The following RYR3 variants were observed in gnomAD, a reference collection of about 807,000 sequenced individuals.
The protein encoded by RYR3 is brain ryanodine receptor-calcium release channel.
Under a neutral mutation model 584.3 loss-of-function variants are expected in RYR3, and 207 were observed. The ratio of observed to expected loss-of-function variants is 0.35; its 90% CI spans 0.32 to 0.40. RYR3 has a LOEUF of 0.40. RYR3 is among the 10% of genes least tolerant of loss of function. The pLI, the probability that RYR3 is intolerant of heterozygous loss-of-function variation, is 1.00. For synonymous variants in RYR3, 2,416 were observed against 2,248.5 expected (o/e 1.07, Z -2.11); for missense variants, 5,616 against 6,089.2 (o/e 0.92, Z 2.59).
chr15:33,670,445 G>A lies in RYR3; in HGVS notation c.5749G>A (p.Glu1917Lys). ...CGVPLEEEEE[E>K]EEDTSWTGKL... is the part of the protein sequence containing the mutation. Reference sequence around the variant, plus strand: ...GGTTCCTTTGGAAGAAGAGGAAGAGGAGGAGGAGGACACCTCCTGGACAGG... The same window carrying A: ...GGTTCCTTTGGAAGAAGAGGAAGAGAAGGAGGAGGACACCTCCTGGACAGG... Residue 1917 changes from glutamate to lysine, a missense_variant, in exon 38 of 104, where the codon GAG (glutamate) becomes AAG (lysine). Glu to Lys is a moderately conservative substitution (Grantham distance 56, BLOSUM62 1). This residue lies in a region of RYR3 where 1,280 missense variants were observed against 1,426.2 expected (regional missense o/e 0.90). Coordinates refer to ENST00000634891, the MANE Select transcript of RYR3 (RefSeq NM_001036.6). The A allele has an allele frequency of 1.9e-6, 3 of 1,613,802 alleles. No individual in the cohort carries two copies. Among genetic ancestry groups the A allele is most frequent in the Non-Finnish European group, 2.5e-6 (3 of 1,179,808 alleles).
At chr15:33,725,991 A>AC (rs1567034134) in intron 45 of RYR3, among the ~76,000 whole-genome samples, 2 of 139,256 alleles carry the variant, frequency 1.4e-5, no homozygotes, top group African/African-American at 2.7e-5. Context: ...AAAAAAAAAA[A>AC]AAAAAACAGA....
At chr15:33,661,393 A>G (rs7176438) in intron 34 of RYR3, among the ~76,000 whole-genome samples, 15,482 of 152,246 alleles carry the variant, frequency 0.1, 859 homozygotes, top group African/African-American at 0.15. Flanking sequence ...TTGTGAAAAC[A>G]AAACAAGTAT....
rs181405749 is a variant in RYR3, at chr15:33,687,661, T to G, written c.5861-8557T>G. ...AGGCATCACACTACTGATTTCAAAC[T>G]ATACTACAAGGCTGCAGTAACCAAA... is the stretch of plus-strand genomic sequence containing the variant. On this transcript the variant is annotated intron_variant, in intron 38 of 103. Coordinates refer to ENST00000634891, the MANE Select transcript of RYR3 (RefSeq NM_001036.6). Among the ~76,000 whole-genome samples the G allele has an allele frequency of 3.7e-4, 57 of 152,322 alleles. No individual in the cohort carries two copies. In the East Asian group the frequency reaches 8.9e-3, roughly 24 times the overall value.
intron 62 of RYR3, among the ~76,000 whole-genome samples, chr15:33,770,108 G>C (rs2073444662): frequency 7.1e-6 from 1 of 139,900 alleles, no homozygotes; most frequent in East Asian, 2.2e-4. Flanking sequence ...ATAATGTAGA[G>C]AGACCTCATC....
intron 1 of RYR3, among the ~76,000 whole-genome samples, chr15:33,408,618 G>T (rs988313034): frequency 6.6e-6 from 1 of 152,102 alleles, no homozygotes; most frequent in Non-Finnish European, 1.5e-5. Flanking sequence ...TCTCACTAAT[G>T]GTGTATAAGC....
At chr15:33,415,041 G>T (rs1407844166) in intron 1 of RYR3, among the ~76,000 whole-genome samples, 1 of 152,220 alleles carries the variant, frequency 6.6e-6, no homozygotes, top group Non-Finnish European at 1.5e-5. Context: ...CTGGCCATAT[G>T]TGGCTGTTGA....
intron 44 of RYR3, among the ~76,000 whole-genome samples, chr15:33,723,216 A>G (rs1188747588): frequency 2.6e-5 from 4 of 152,236 alleles, no homozygotes; most frequent in African/African-American, 9.6e-5. Context: ...CTCCTTGTCT[A>G]ACTTCAGCAT....
At chr15:33,742,344 A>G (rs369786059) in intron 51 of RYR3, 22 bp from the exon 52 acceptor site, 19 of 1,549,460 alleles carry the variant, frequency 1.2e-5, no homozygotes, top group Non-Finnish European at 1.7e-5. Flanking sequence ...GGAGGTTGTA[A>G]TTTTTTTTCC....
At chr15:33,559,695 C>T (rs1430488976) in intron 10 of RYR3, among the ~76,000 whole-genome samples, 1 of 152,158 alleles carries the variant, frequency 6.6e-6, no homozygotes, top group East Asian at 1.9e-4. Context: ...GGAGGTCTGG[C>T]TGTGAATTGA....
At chr15:33,523,787 C>G (rs1250137670) in intron 3 of RYR3, among the ~76,000 whole-genome samples, 1 of 152,096 alleles carries the variant, frequency 6.6e-6, no homozygotes, top group Non-Finnish European at 1.5e-5. Context: ...CCAACTGCAA[C>G]GAATCCCTGC....
intron 19 of RYR3, among the ~76,000 whole-genome samples, chr15:33,615,031 C>T (rs796699843): frequency 1.1e-4 from 17 of 152,230 alleles, no homozygotes; most frequent in African/African-American, 3.4e-4. Context: ...ATTTTAACCA[C>T]GTTATTCATT....
At chr15:33,790,834 G>T (rs1235254259) in intron 67 of RYR3, among the ~76,000 whole-genome samples, 1 of 152,074 alleles carries the variant, frequency 6.6e-6, no homozygotes, top group Non-Finnish European at 1.5e-5. Flanking sequence ...AGACTGAGAG[G>T]GAGAAACCAA....
At chr15:33,608,099 C>G (rs902300747) in intron 18 of RYR3, among the ~76,000 whole-genome samples, 1 of 152,216 alleles carries the variant, frequency 6.6e-6, no homozygotes, top group Non-Finnish European at 1.5e-5. Context: ...TTAGTTACTT[C>G]ATTAAAGTGA....
intron 2 of RYR3, among the ~76,000 whole-genome samples, chr15:33,478,644 T>G (rs905356754): frequency 6.6e-6 from 1 of 152,200 alleles, no homozygotes; most frequent in Admixed American, 6.5e-5. Flanking sequence ...CAAATTCTCA[T>G]GCAAAAGGAG....
chr15:33,675,843 C>A (rs770301437), intron 38 of RYR3, among the ~76,000 whole-genome samples: 2 of 152,072 alleles, frequency 1.3e-5, no homozygotes, highest in Non-Finnish European at 2.9e-5. Context: ...AATGATTTAG[C>A]CCTTACCAGC....
At position 33,863,409 on chromosome 15, in the gene RYR3, G is replaced by A. The variant is rs200664393; in HGVS notation, c.14466-729G>A. On this transcript the variant is annotated intron_variant, in intron 102 of 103. Transcript: ENST00000634891. ...CCACCATGACAGAACTCAAGATCTG[G>A]GGCTTAGACTCTCCACCCTCAGAAG... Among the ~76,000 whole-genome samples, 6 of 152,170 alleles carry A rather than the reference G, an allele frequency of 3.9e-5. No homozygotes were observed. In the East Asian group the frequency reaches 1.2e-3, roughly 29 times the overall value.
At position 33,448,260 on chromosome 15, in the gene RYR3, T is replaced by C. The variant is rs186310724; in HGVS notation, c.52-25159T>C. Among the ~76,000 whole-genome samples, 535 of 152,200 alleles carry C rather than the reference T, an allele frequency of 3.5e-3. 9 individuals are homozygous for C. The highest frequency in any genetic ancestry group is 0.03 in the Admixed American group (456 of 15,298). On this transcript the variant is annotated intron_variant, in intron 1 of 103. Transcript: ENST00000634891. ...CTGGCCTCGAGAATATGGAGACAGT[T>C]TGTGTTTCATGACTGCTTTTTGCTC...
rs1428482845 is a variant in RYR3 at position 33,807,541 on chromosome 15, G to A, written c.10012-14G>A. On this transcript the variant is annotated splice_polypyrimidine_tract_variant and intron_variant, in intron 69 of 103. Coordinates refer to ENST00000634891, the MANE Select transcript of RYR3 (RefSeq NM_001036.6). ...CTCTTCTCCTTGTTTCTTTTCTTTT[G>A]TCTTTCCACACAGGCCATGCAAGTA... 7 of 1,551,682 alleles carry A rather than the reference G, an allele frequency of 4.5e-6. No individual in the cohort carries two copies. Among genetic ancestry groups the A allele is most frequent in the East Asian group, 2.4e-5 (1 of 40,966 alleles).
At chr15:33,356,101 A>G (rs545965772) in intron 1 of RYR3, among the ~76,000 whole-genome samples, 2 of 152,284 alleles carry the variant, frequency 1.3e-5, no homozygotes, top group Admixed American at 6.5e-5. Context: ...AATCATGCAT[A>G]CGATGAGGTT....
Sources: gnomAD v4.1 joint callset for allele counts (sites outside exome capture counted in the v4.1 genomes callset) on GRCh38, gnomAD v4.1.1 for gene constraint, gnomAD v4.1.1 regional missense constraint, MANE v1.5 for transcripts, NCBI Gene and HGNC (gene_info 2026-07-23, HGNC 2026-07-21) for gene names.